The following MAEA variants were observed in gnomAD, a reference collection of about 807,000 sequenced individuals.
MAEA encodes the protein macrophage erythroblast attacher, E3 ubiquitin ligase.
Under a neutral mutation model 46.2 loss-of-function variants are expected in MAEA, and 22 were observed. The observed-to-expected ratio is 0.48, with a 90% CI of 0.34 to 0.68. The LOEUF is 0.68. Ranked by LOEUF, MAEA falls within the 30% of genes least tolerant of loss-of-function variation. The pLI is 0.01. For synonymous variants in MAEA, 246 were observed against 222.6 expected, an observed-to-expected ratio of 1.11 and a Z score of -0.94; for missense variants, 393 against 558.1, an observed-to-expected ratio of 0.70 and a Z score of 2.98.
At chr4:1,309,751 C>T (rs1272226278) in intron 1 of MAEA, 3 of 1,495,358 alleles carry the variant, frequency 2.0e-6, no homozygotes, top group Admixed American at 4.2e-5. Context: ...CTGCGTTCTG[C>T]GTAACCGTGG....
In MAEA at chr4:1,315,555, C is replaced by T. The variant is rs769669739; in HGVS notation, c.411C>T (p.Gly137=). Reference sequence around the variant, plus strand: ...TGGTGGAGCACCTGCTGCGTTGCGGCTACTACAACACGGCTGTCAAGCTGG... The same window carrying T: ...TGGTGGAGCACCTGCTGCGTTGCGGTTACTACAACACGGCTGTCAAGCTGG... ...RMMVEHLLRC[G]YYNTAVKLAR... is the part of the protein sequence containing the mutation. Residue 137 remains glycine, a synonymous_variant, in exon 3 of 9, where the codon GGC becomes GGT. Transcript: ENST00000303400. The T allele has an allele frequency of 3.1e-6, 5 of 1,613,562 alleles. No homozygotes were observed. In the African/African-American group the frequency reaches 5.3e-5, roughly 17 times the overall value.
chr4:1,323,738 G>T, intron 4 of MAEA: 1 of 649,988 alleles, frequency 1.5e-6, no homozygotes, highest in South Asian at 1.7e-5. Flanking sequence ...TAGGTTCTTG[G>T]TGCTGCCAGG....
In MAEA at chr4:1,334,044, GC is replaced by G. The variant is rs1644594887; in HGVS notation, c.765+1180del. 6.0e-5 allele frequency among the ~76,000 whole-genome samples: 2 copies of G among 33,234 alleles called. 1 individual carries two copies. The highest frequency in any genetic ancestry group is 3.3e-4 in the African/African-American group (2 of 6,038). 21.8% of individuals were successfully genotyped at this position (33,234 alleles called of 152,430 possible). A position where few individuals can be genotyped will look rare whatever the true frequency, so the allele number is the denominator to read the frequency against. ...CATGCCCACCCCATGCCCACCATGTGCTCACCCCTGCACCCACCCCCATGCC... is the reference window on the plus strand; with the variant it reads ...CATGCCCACCCCATGCCCACCATGTGTCACCCCTGCACCCACCCCCATGCC... On this transcript the variant is annotated intron_variant, in intron 6 of 8. Transcript: ENST00000303400.
At chr4:1,318,841 A>G (rs1035420632) in intron 3 of MAEA, among the ~76,000 whole-genome samples, 2 of 152,172 alleles carry the variant, frequency 1.3e-5, no homozygotes, top group African/African-American at 4.8e-5. Flanking sequence ...AGACGTGACA[A>G]ACTTAGGAAA....
rs1408137445 is a variant in MAEA at position 1,311,596 on chromosome 4, C to T, written c.70-383C>T. Reference sequence around the variant, plus strand: ...GGCCTCGTGTGGTGGCGCCTGCAGCCGCAGCAGCCTGGCTGATCACCGGCC... The same window carrying T: ...GGCCTCGTGTGGTGGCGCCTGCAGCTGCAGCAGCCTGGCTGATCACCGGCC... On this transcript the variant is annotated intron_variant, in intron 1 of 8. Transcript: ENST00000303400. The surrounding 1 kb of genome is among the most constrained non-coding windows in gnomAD (Gnocchi z 4.4). Among the ~76,000 whole-genome samples the T allele has an allele frequency of 6.6e-6, 1 of 152,124 alleles. No homozygotes were observed.
At chr4:1,322,597 G>A (rs1035511103) in intron 4 of MAEA, 94 bp downstream of exon 4, 24 of 1,530,558 alleles carry the variant, frequency 1.6e-5, no homozygotes, top group African/African-American at 2.8e-5. Flanking sequence ...GTGGTTCACA[G>A]TAGTTTGGTT....
chr4:1,289,932 G>C lies in MAEA; in HGVS notation c.19G>C (p.Ala7Pro), dbSNP rs766794570. The C allele has an allele frequency of 6.2e-7, 1 of 1,601,526 alleles. No individual in the cohort carries two copies. The highest frequency in any genetic ancestry group is 2.3e-5 in the East Asian group (1 of 44,126). The change falls in exon 1 of 9, where the codon GCG becomes CCG. Residue 7 changes from alanine to proline, a missense_variant. Coordinates refer to ENST00000303400, the MANE Select transcript of MAEA (RefSeq NM_001017405.3). Reference sequence around the variant, plus strand: ...CTTCAAGATGGCGGTGCAGGAGTCGGCGGCTCAGTTGTCCATGACCCTGAA... The same window carrying C: ...CTTCAAGATGGCGGTGCAGGAGTCGCCGGCTCAGTTGTCCATGACCCTGAA... MAVQES[A>P]AQLSMTLKVQ...
At chr4:1,290,144 CG>C (rs1012753893) in intron 1 of MAEA, among the ~76,000 whole-genome samples, 162 bp downstream of exon 1, 2 of 151,626 alleles carry the variant, frequency 1.3e-5, no homozygotes, top group African/African-American at 4.8e-5. Context: ...CGGTCCGCGC[CG>C]GGCAGGTGTG....
In MAEA at chr4:1,338,095, G is replaced by A. The variant is rs183284049; in HGVS notation, c.900-327G>A. On this transcript the variant is annotated intron_variant, in intron 7 of 8. Coordinates refer to ENST00000303400, the MANE Select transcript of MAEA (RefSeq NM_001017405.3). ...GCCTGTTCCTAGGTGCCAGCAGAAC[G>A]TCCCTGCTGGGTGGCTCTTGTCCTG... The A allele has an allele frequency of 3.7e-5, 11 of 293,778 alleles. No individual in the cohort carries two copies. The East Asian group carries it at 4.6e-4, about 12-fold the overall frequency. 18.2% of individuals were successfully genotyped at this position (293,778 alleles called of 1,614,324 possible).
Position 1,329,818 on chromosome 4 carries a change from A to G in MAEA, c.656+2115A>G, listed in dbSNP as rs533789146. 5,162 of 985,516 alleles carry G rather than the reference A, an allele frequency of 5.2e-3. 48 individuals carry two copies. Among genetic ancestry groups the G allele is most frequent in the South Asian group, 0.026 (546 of 21,290 alleles). 61.0% of individuals were successfully genotyped at this position (985,516 alleles called of 1,614,324 possible). On this transcript the variant is annotated intron_variant, in intron 5 of 8. Transcript: ENST00000303400. ...TGAGGCTGGACAAGAGGGAAGGCGGAGAAGCCTGGCCACATGTCTCCTGAG... is the reference window on the plus strand; with the variant it reads ...TGAGGCTGGACAAGAGGGAAGGCGGGGAAGCCTGGCCACATGTCTCCTGAG...
intron 1 of MAEA, 152 bp downstream of exon 1, chr4:1,290,134 C>G (rs887488418): frequency 3.4e-6 from 1 of 291,292 alleles, no homozygotes; most frequent in African/African-American, 2.3e-5. Flanking sequence ...CAGGGGCGCC[C>G]GGTCCGCGCC....
chr4:1,328,683 C>A, intron 5 of MAEA: 3 of 1,279,568 alleles, frequency 2.3e-6, no homozygotes, highest in Non-Finnish European at 3.1e-6. Flanking sequence ...GAGAAGTGGG[C>A]GTCTCACGAT....
In MAEA at chr4:1,332,841, C is replaced by G. The variant is rs146021165; in HGVS notation, c.741C>G (p.Pro247=). The change falls in exon 6 of 9, where the codon CCC becomes CCG. Residue 247 remains proline, a synonymous_variant. Coordinates refer to ENST00000303400, the MANE Select transcript of MAEA (RefSeq NM_001017405.3). ...CCATGGGCATGCTGGCCTTCCCGCC[C>G]GACACGCACATCTCCCCGTACAAGG... The part of the protein sequence containing the change: ...RQAMGMLAFP[P]DTHISPYKDL... 3.7e-6 allele frequency: 6 copies of G among 1,612,942 alleles called. No homozygotes were observed. The highest frequency in any genetic ancestry group is 2.2e-5 in the East Asian group (1 of 44,848).
chr4:1,309,351 A>G (rs1577161211), intron 1 of MAEA: 1 of 1,090,956 alleles, frequency 9.2e-7, no homozygotes, highest in East Asian at 3.6e-5. Flanking sequence ...GGCTCTTGCT[A>G]ACCAGCCAGC....
chr4:1,337,979 G>C lies in MAEA; in HGVS notation c.900-443G>C, dbSNP rs1713022007. The C allele has an allele frequency of 3.9e-5, 7 of 179,462 alleles. No individual in the cohort carries two copies. In the South Asian group the frequency reaches 7.2e-4, roughly 18 times the overall value. 11.1% of individuals were successfully genotyped at this position (179,462 alleles called of 1,614,324 possible). A position where few individuals can be genotyped will look rare whatever the true frequency, so the allele number is the denominator to read the frequency against. On this transcript the variant is annotated intron_variant, in intron 7 of 8. Coordinates refer to ENST00000303400, the MANE Select transcript of MAEA (RefSeq NM_001017405.3). ...TGTTTCGCGATTGCTGCTGGTACCT[G>C]GCTGTGCCGGGGTATGAATGAGACT...
chr4:1,294,787 G>A (rs1386054888), intron 1 of MAEA, among the ~76,000 whole-genome samples: 1 of 149,050 alleles, frequency 6.7e-6, no homozygotes, highest in Non-Finnish European at 1.5e-5. Flanking sequence ...GTTGGACAGT[G>A]GCAGGGGACG....
rs1016097105 is a variant in MAEA, at chr4:1,319,737, C to T, written c.457-2644C>T. On this transcript the variant is annotated intron_variant, in intron 3 of 8. Transcript: ENST00000303400. ...TCTGGACAAGAGAGCGAGACCCTGT[C>T]TCAAAAAAAAAAAAATGGTTTTTCA... 3.7e-4 allele frequency among the ~76,000 whole-genome samples: 30 copies of T among 80,068 alleles called. 1 individual carries two copies. Among genetic ancestry groups the T allele is most frequent in the African/African-American group, 1.7e-3 (25 of 14,890 alleles). The allele number at this position is 80,068 out of a possible 152,430, so 52.5% of individuals were successfully genotyped here. A position where few individuals can be genotyped will look rare whatever the true frequency, so the allele number is the denominator to read the frequency against.
rs375432877 is a variant in MAEA, at chr4:1,311,193, G to A, written c.70-786G>A. The stretch of plus-strand genomic sequence containing the variant: ...GGCCGTGTTGCTGATGCGCTGTGTG[G>A]TGAGCTGCCGGCCACCAGTGCAGCC... On this transcript the variant is annotated intron_variant, in intron 1 of 8. Coordinates refer to ENST00000303400, the MANE Select transcript of MAEA (RefSeq NM_001017405.3). This position sits in a 1 kb window ranked among gnomAD's most constrained non-coding sequence, Gnocchi z 4.4. Among the ~76,000 whole-genome samples the A allele has an allele frequency of 1.3e-5, 2 of 152,266 alleles. No individual in the cohort carries two copies. Among genetic ancestry groups the A allele is most frequent in the South Asian group, 2.1e-4 (1 of 4,832 alleles).
At chr4:1,308,128 G>A (rs142041289) in intron 1 of MAEA, among the ~76,000 whole-genome samples, 115 of 151,888 alleles carry the variant, frequency 7.6e-4, no homozygotes, top group African/African-American at 2.4e-3. Context: ...CGCCCGCACC[G>A]TGGTACAGCC....
Sources: allele counts gnomAD v4.1 joint callset (sites outside exome capture counted in the v4.1 genomes callset), GRCh38; gene constraint gnomAD v4.1.1; non-coding constraint Gnocchi (gnomAD v3.1); transcripts MANE v1.5; gene names NCBI Gene and HGNC (gene_info 2026-07-23, HGNC 2026-07-21).